The following AMBN variants were observed in gnomAD, a reference collection of about 807,000 sequenced individuals.
The protein encoded by AMBN is ameloblastin, also known as enamel matrix protein.
A neutral mutation model predicts 48.0 loss-of-function variants in AMBN; 54 were observed. That is an observed-to-expected ratio of 1.12 (90% CI 0.90 to 1.41). AMBN has a LOEUF of 1.41. Among genes scored for constraint, AMBN ranks in the 40% most tolerant of loss-of-function variants. The pLI, the probability that AMBN is intolerant of heterozygous loss-of-function variation, is 0.00. For synonymous variants in AMBN, 186 were observed against 190.0 expected, an observed-to-expected ratio of 0.98 and a Z score of 0.17; for missense variants, 571 against 547.3, an observed-to-expected ratio of 1.04 and a Z score of -0.43.
chr4:70,604,092 T>G (rs1383275291), intron 12 of AMBN, among the ~76,000 whole-genome samples, 171 bp downstream of exon 12: 1 of 152,230 alleles, frequency 6.6e-6, no homozygotes, highest in South Asian at 2.1e-4. Flanking sequence ...GATTTCATCA[T>G]GTTTCCTATG....
At position 70,601,479 on chromosome 4, in the gene AMBN, A is replaced by C. The variant is rs1375759708; in HGVS notation, c.356A>C (p.Gln119Pro). ...CCATCACAGCCATCCTTGAAGCCTC[A>C]ACAGCCAGGACTGAAACCTTTTCTC... Reference protein sequence around the residue: ...PLPSQPSLKPQQPGLKPFLQS... With the variant: ...PLPSQPSLKPPQPGLKPFLQS... The change falls in exon 6 of 13, where the codon CAA (glutamine) becomes CCA (proline). Residue 119 changes from glutamine to proline, a missense_variant. By Grantham distance (76) the Gln-to-Pro change is moderately conservative. Coordinates refer to ENST00000322937, the MANE Select transcript of AMBN (RefSeq NM_016519.6). 1.9e-6 allele frequency: 3 copies of C among 1,614,162 alleles called. No homozygotes were observed. Among genetic ancestry groups the C allele is most frequent in the Admixed American group, 1.7e-5 (1 of 60,018 alleles).
chr4:70,593,844 G>A (rs1737330415), intron 2 of AMBN, among the ~76,000 whole-genome samples: 1 of 144,508 alleles, frequency 6.9e-6, no homozygotes, highest in African/African-American at 2.7e-5. Context: ...CAGCCTGGGT[G>A]ACGGAGTGAG....
chr4:70,603,332 T>C lies in AMBN; in HGVS notation c.708+13T>C. 1 of 1,613,610 alleles carries C rather than the reference T, an allele frequency of 6.2e-7. No homozygotes were observed. Among genetic ancestry groups the C allele is most frequent in the Non-Finnish European group, 8.5e-7 (1 of 1,179,730 alleles). ...TAAACAATCTCCAGTAAGTTTTTTT[T>C]AATACCACATCTCTGTTTGCAATTT... On this transcript the variant is annotated intron_variant, in intron 10 of 12. Coordinates refer to ENST00000322937, the MANE Select transcript of AMBN (RefSeq NM_016519.6).
At chr4:70,603,999 C>T in intron 12 of AMBN, 78 bp downstream of exon 12, 1 of 1,459,532 alleles carries the variant, frequency 6.9e-7, no homozygotes, top group South Asian at 1.2e-5. Context: ...CAAGAGACGT[C>T]TGCCATGAAT....
At chr4:70,593,236 C>A in intron 1 of AMBN, 91 bp from the exon 2 acceptor site, 1 of 1,010,700 alleles carries the variant, frequency 9.9e-7, no homozygotes, top group Non-Finnish European at 1.5e-6. Context: ...TTTGTAAGAG[C>A]AGAGACTCAG....
chr4:70,603,033 C>T (rs1375127298), intron 9 of AMBN, 23 bp downstream of exon 9: 5 of 1,586,570 alleles, frequency 3.2e-6, no homozygotes, highest in South Asian at 1.2e-5. Context: ...CTCAATGAGA[C>T]ACTGTCTTGC....
chr4:70,593,300 T>C (rs776174719), intron 1 of AMBN, 27 bp from the exon 2 acceptor site: 1 of 1,559,952 alleles, frequency 6.4e-7, no homozygotes, highest in South Asian at 1.1e-5. Context: ...TCATCTGATT[T>C]AATTCTCCAA....
rs1241911413 is a variant in AMBN, at chr4:70,592,321, A to T, written c.-38A>T. On this transcript the variant is annotated 5_prime_UTR_variant, in exon 1 of 13. Transcript: ENST00000322937. ...ATTTTAATCTTCTTTTCTTAGAACTATCTTGGTTGGCATCATCAGGCCCTG... is the reference window on the plus strand; with the variant it reads ...ATTTTAATCTTCTTTTCTTAGAACTTTCTTGGTTGGCATCATCAGGCCCTG... 2.5e-6 allele frequency: 4 copies of T among 1,613,022 alleles called. No homozygotes were observed. In the Admixed American group the frequency reaches 5.0e-5, roughly 20 times the overall value.
At chr4:70,605,625 A>C (rs1034512388) in intron 12 of AMBN, among the ~76,000 whole-genome samples, 10 of 152,142 alleles carry the variant, frequency 6.6e-5, no homozygotes, top group African/African-American at 2.4e-4. Flanking sequence ...TTGTGCTTTA[A>C]AAAAATTAAA....
chr4:70,603,373 C>T, intron 10 of AMBN, 43 bp from the exon 11 acceptor site: 1 of 1,612,702 alleles, frequency 6.2e-7, no homozygotes, highest in Non-Finnish European at 8.5e-7. Context: ...AAAGTTTTTC[C>T]ATTGGAAAAT....
intron 6 of AMBN, among the ~76,000 whole-genome samples, chr4:70,602,106 G>A (rs963858158): frequency 6.6e-6 from 1 of 152,026 alleles, no homozygotes; most frequent in Non-Finnish European, 1.5e-5. Context: ...GTAGAGAAAA[G>A]TGTAATGGAT....
chr4:70,599,488 T>C, intron 4 of AMBN, 48 bp from the exon 5 acceptor site: 1 of 1,345,790 alleles, frequency 7.4e-7, no homozygotes, highest in Non-Finnish European at 1.0e-6. Context: ...ACCAATGTTA[T>C]ATTTAACATT....
At position 70,606,437 on chromosome 4, in the gene AMBN, G is replaced by T. The variant is rs141401324; in HGVS notation, c.1051G>T (p.Ala351Ser). The change falls in exon 13 of 13, where the codon GCA becomes TCA. Residue 351 changes from alanine (A) to serine (S), a missense_variant. Transcript: ENST00000322937. Reference sequence around the variant, plus strand: ...TACAGAGCTAGAACCTGCTCCCCACGCAGGGCTCCTTGCTCTCCCTAAGGA... The same window carrying T: ...TACAGAGCTAGAACCTGCTCCCCACTCAGGGCTCCTTGCTCTCCCTAAGGA... ...FLTELEPAPH[A>S]GLLALPKDDI... is the part of the protein sequence containing the mutation. 3.7e-6 allele frequency: 6 copies of T among 1,613,792 alleles called. No homozygotes were observed. Among genetic ancestry groups the T allele is most frequent in the Non-Finnish European group, 5.1e-6 (6 of 1,179,974 alleles).
chr4:70,593,236 C>T, intron 1 of AMBN, 91 bp from the exon 2 acceptor site: 1 of 1,010,706 alleles, frequency 9.9e-7, no homozygotes, highest in Non-Finnish European at 1.5e-6. Flanking sequence ...TTTGTAAGAG[C>T]AGAGACTCAG....
At chr4:70,603,996 CG>C in intron 12 of AMBN, 75 bp downstream of exon 12, 1 of 1,468,240 alleles carries the variant, frequency 6.8e-7, no homozygotes, top group Non-Finnish European at 9.5e-7. Flanking sequence ...CTGCAAGAGA[CG>C]TCTGCCATGA....
chr4:70,596,026 A>G (rs935611473), intron 2 of AMBN, among the ~76,000 whole-genome samples: 6 of 152,228 alleles, frequency 3.9e-5, no homozygotes, highest in Middle Eastern at 3.4e-3. Context: ...GCAGTGGCTC[A>G]CATCTGTAAT....
chr4:70,599,911 T>C (rs1737480043), intron 5 of AMBN, among the ~76,000 whole-genome samples: 1 of 152,182 alleles, frequency 6.6e-6, no homozygotes, highest in South Asian at 2.1e-4. Context: ...TAAACAATCC[T>C]CGAAAATCAA....
intron 3 of AMBN, 68 bp from the exon 4 acceptor site, chr4:70,598,285 TATC>T: frequency 9.3e-7 from 1 of 1,080,968 alleles, no homozygotes; most frequent in Non-Finnish European, 1.3e-6. Context: ...TAATGTCAAA[TATC>T]ATGAGAAATC....
chr4:70,606,170 T>A lies in AMBN; in HGVS notation c.799-15T>A. 6.2e-7 allele frequency: 1 copy of A among 1,611,794 alleles called. No homozygotes were observed. On this transcript the variant is annotated splice_polypyrimidine_tract_variant and intron_variant, in intron 12 of 12. Coordinates refer to ENST00000322937, the MANE Select transcript of AMBN (RefSeq NM_016519.6). ...ATGTGATGATGGCATCTTTGACGAA[T>A]GTTTTTTTTTCCAGGGCGGGAGAGA...
Sources: gnomAD v4.1 joint callset for allele counts (sites outside exome capture counted in the v4.1 genomes callset) on GRCh38, gnomAD v4.1.1 for gene constraint, MANE v1.5 for transcripts, NCBI Gene and HGNC (gene_info 2026-07-23, HGNC 2026-07-21) for gene names.